PCDHA11: variants seen among roughly 807,000 people sequenced by gnomAD.
PCDHA11 encodes protocadherin alpha-11.
In PCDHA11, 61 loss-of-function variants were observed where a neutral mutation model predicts 70.3. The observed-to-expected ratio is 0.87, with a 90% CI of 0.71 to 1.07. The LOEUF (loss-of-function observed/expected upper bound fraction) is 1.07, where lower values mean the gene tolerates loss of function less well. PCDHA11 is among the 50% of genes least tolerant of loss of function. The pLI is 0.00. For missense variants in PCDHA11, 1,324 were observed against 1,237.5 expected (o/e 1.07, Z -1.05); for synonymous variants, 633 against 555.1 (o/e 1.14, Z -1.97).
At chr5:140,990,022 G>C (rs891983888) in intron 3 of PCDHA11, among the ~76,000 whole-genome samples, 1 of 152,156 alleles carries the variant, frequency 6.6e-6, no homozygotes, top group Non-Finnish European at 1.5e-5. Flanking sequence ...GCTAGGCAAA[G>C]GATGGGAGAA....
Position 140,876,041 on chromosome 5 carries a change from T to A in PCDHA11, c.2391+4547T>A, listed in dbSNP as rs1554168219. The A allele has an allele frequency of 1.9e-6, 3 of 1,613,848 alleles. No homozygotes were observed. Among genetic ancestry groups the A allele is most frequent in the South Asian group, 2.2e-5 (2 of 91,072 alleles). On this transcript the variant is annotated intron_variant, in intron 1 of 3. Transcript: ENST00000398640. ...ATAAAAACAAAAAAAGATAAAAGTATATTGCCTGAATTAGTTCTTCGGAAG... is the reference window on the plus strand; with the variant it reads ...ATAAAAACAAAAAAAGATAAAAGTAAATTGCCTGAATTAGTTCTTCGGAAG...
intron 2 of PCDHA11, among the ~76,000 whole-genome samples, chr5:140,979,323 T>C (rs2096844622): frequency 6.6e-6 from 1 of 152,180 alleles, no homozygotes; most frequent in Non-Finnish European, 1.5e-5. Context: ...TATGCTTTCT[T>C]TTCCTCCTTT....
At chr5:140,900,557 G>A (rs1006880033) in intron 1 of PCDHA11, among the ~76,000 whole-genome samples, 1 of 152,160 alleles carries the variant, frequency 6.6e-6, no homozygotes, top group African/African-American at 2.4e-5. Context: ...GATTACAGGC[G>A]TGAGCCACGG....
intron 2 of PCDHA11, among the ~76,000 whole-genome samples, chr5:140,982,104 G>A (rs1280175443): frequency 6.6e-6 from 1 of 152,256 alleles, no homozygotes; most frequent in Non-Finnish European, 1.5e-5. Flanking sequence ...GAACCTGCAA[G>A]AGAGGCTTGG....
intron 1 of PCDHA11, among the ~76,000 whole-genome samples, chr5:140,884,893 G>T (rs1186873075): frequency 1.3e-5 from 2 of 152,138 alleles, no homozygotes; most frequent in East Asian, 1.9e-4. Context: ...AGAATATTTT[G>T]TTTCTGTTGT....
chr5:140,982,604 A>G, intron 3 of PCDHA11, 41 bp downstream of exon 3: 1 of 1,607,164 alleles, frequency 6.2e-7, no homozygotes, highest in Non-Finnish European at 8.5e-7. Context: ...TGGTTTCTGG[A>G]AAGTGATCAG....
chr5:140,926,303 C>G (rs1248613470), intron 1 of PCDHA11: 1 of 152,328 alleles, frequency 6.6e-6, no homozygotes, highest in African/African-American at 2.4e-5. Flanking sequence ...CCCGCCCTCT[C>G]CGCCGGAGAG....
intron 1 of PCDHA11, chr5:140,883,869 A>G: frequency 6.2e-7 from 1 of 1,613,112 alleles, no homozygotes; most frequent in South Asian, 1.1e-5. Context: ...TTGCAGTTCC[A>G]GGTGAGCGCG....
Position 140,978,942 on chromosome 5 carries a change from T to C in PCDHA11, c.2392-7T>C, listed in dbSNP as rs781997267. 5 of 1,614,058 alleles carry C rather than the reference T, an allele frequency of 3.1e-6. No individual in the cohort carries two copies. The African/African-American group carries it at 6.7e-5, about 22-fold the overall frequency. ...TTTAACAGAAAACTCTCTTTGTGAT[T>C]TTGCAGCCACGACAGCCCAACCCTG... is the stretch of plus-strand genomic sequence containing the variant. On this transcript the variant is annotated splice_region_variant and splice_polypyrimidine_tract_variant and intron_variant, in intron 1 of 3. Coordinates refer to ENST00000398640, the MANE Select transcript of PCDHA11 (RefSeq NM_018902.5).
At chr5:140,985,739 CTTT>C (rs11372071) in intron 3 of PCDHA11, among the ~76,000 whole-genome samples, 5 of 117,900 alleles carry the variant, frequency 4.2e-5, no homozygotes, top group Non-Finnish European at 1.7e-5. Context: ...TGATGAATTC[CTTT>C]TTTTTTTTTT....
At chr5:140,941,220 TTTC>T (rs2092903024) in intron 1 of PCDHA11, among the ~76,000 whole-genome samples, 1 of 131,326 alleles carries the variant, frequency 7.6e-6, no homozygotes, top group Non-Finnish European at 1.6e-5. Flanking sequence ...TCTTCCTTTC[TTTC>T]TTTCTTTCTT....
intron 1 of PCDHA11, chr5:140,968,948 A>G (rs1554231262): frequency 2.5e-6 from 4 of 1,614,064 alleles, no homozygotes; most frequent in East Asian, 4.5e-5. Flanking sequence ...CATTTTGAGC[A>G]TCATCAAGTG....
Position 140,870,477 on chromosome 5 carries a change from G to A in PCDHA11, c.1374G>A (p.Glu458=), listed in dbSNP as rs781992966. ...ATGCGCCTGCGTTCGCACAGCCCGA[G>A]TACACCGTGTTCGTGAAGGAGAACA... is the stretch of plus-strand genomic sequence containing the variant. ...NDNAPAFAQP[E]YTVFVKENNP... The change falls in exon 1 of 4, where the codon GAG becomes GAA. Residue 458 remains glutamate, a synonymous_variant. Transcript: ENST00000398640. The A allele has an allele frequency of 1.2e-6, 2 of 1,614,238 alleles. No homozygotes were observed. Among genetic ancestry groups the A allele is most frequent in the East Asian group, 2.2e-5 (1 of 44,890 alleles).
intron 1 of PCDHA11, among the ~76,000 whole-genome samples, chr5:140,889,948 A>G (rs956594809): frequency 6.6e-6 from 1 of 152,194 alleles, no homozygotes; most frequent in Admixed American, 6.6e-5. Flanking sequence ...TGAGAAGCCA[A>G]ATGGATAGAA....
intron 1 of PCDHA11, among the ~76,000 whole-genome samples, chr5:140,906,179 C>G (rs2072430767): frequency 1.3e-5 from 2 of 152,172 alleles, no homozygotes; most frequent in African/African-American, 4.8e-5. Flanking sequence ...TACTTTGCAT[C>G]CTTCAATCCA....
intron 1 of PCDHA11, chr5:140,876,527 T>C (rs2056400042): frequency 6.2e-6 from 10 of 1,614,112 alleles, no homozygotes; most frequent in Non-Finnish European, 7.6e-6. Context: ...GAAGTAATGG[T>C]TACTTCACTG....
intron 1 of PCDHA11, chr5:140,884,290 A>G: frequency 6.2e-7 from 1 of 1,613,642 alleles, no homozygotes; most frequent in Non-Finnish European, 8.5e-7. Flanking sequence ...AGAGCGGCCA[A>G]GCGCCACAGG....
chr5:140,888,886 T>TA (rs2062023222), intron 1 of PCDHA11, among the ~76,000 whole-genome samples: 1 of 152,036 alleles, frequency 6.6e-6, no homozygotes, highest in South Asian at 2.1e-4. Flanking sequence ...ATTAAAACAT[T>TA]AGAATTGAGG....
chr5:140,956,434 T>G (rs1554222427), intron 1 of PCDHA11, among the ~76,000 whole-genome samples: 1 of 152,236 alleles, frequency 6.6e-6, no homozygotes, highest in Non-Finnish European at 1.5e-5. Flanking sequence ...TTAGTTCTGC[T>G]TATGTGATGA....
Sources: allele counts gnomAD v4.1 joint callset (sites outside exome capture counted in the v4.1 genomes callset), GRCh38; gene constraint gnomAD v4.1.1; transcripts MANE v1.5; gene names NCBI Gene and HGNC (gene_info 2026-07-23, HGNC 2026-07-21).